C1orf198: variants seen among roughly 807,000 people sequenced by gnomAD.
The protein encoded by C1orf198 is uncharacterized protein C1orf198.
A neutral mutation model predicts 31.4 loss-of-function variants in C1orf198; 17 were observed. That is an observed-to-expected ratio of 0.54 (90% CI 0.37 to 0.81). C1orf198 has a LOEUF of 0.81. C1orf198 is among the 40% of genes least tolerant of loss of function. The probability of loss-of-function intolerance (pLI) is 0.00; values close to 1 mark genes in which losing one functional copy is unlikely to be tolerated. For synonymous variants in C1orf198, 175 were observed against 193.8 expected (o/e 0.90, Z 0.81); for missense variants, 401 against 450.3 (o/e 0.89, Z 0.99).
At chr1:230,856,022 T>C (rs1206817590) in intron 1 of C1orf198, 1 of 1,144,852 alleles carries the variant, frequency 8.7e-7, no homozygotes, top group Admixed American at 4.4e-5. Context: ...GAGGGCTTGA[T>C]GGTCTCAGCA....
In C1orf198 at chr1:230,837,621, G is replaced by A. The variant is rs1328526484; in HGVS notation, c.*2231C>T. 2 of 152,228 alleles carry A rather than the reference G, an allele frequency of 1.3e-5. No individual in the cohort carries two copies. Among genetic ancestry groups the A allele is most frequent in the Non-Finnish European group, 2.9e-5 (2 of 68,046 alleles). 9.4% of individuals were successfully genotyped at this position (152,228 alleles called of 1,614,324 possible). On this transcript the variant is annotated 3_prime_UTR_variant, in exon 4 of 4. Transcript: ENST00000366663. ...TCGCATAGACTTTGCCCAAGGTGTAGAGGAAGATCTGCCGGTCAGGCAGGA... is the reference window on the plus strand; with the variant it reads ...TCGCATAGACTTTGCCCAAGGTGTAAAGGAAGATCTGCCGGTCAGGCAGGA...
intron 3 of C1orf198, among the ~76,000 whole-genome samples, chr1:230,842,761 A>G (rs1314439628): frequency 1.3e-5 from 2 of 152,096 alleles, no homozygotes; most frequent in Non-Finnish European, 2.9e-5. Context: ...ATTAAAAAAA[A>G]AAAGAGTGAC....
intron 2 of C1orf198, among the ~76,000 whole-genome samples, chr1:230,845,132 T>G (rs1350479936): frequency 6.7e-6 from 1 of 149,200 alleles, no homozygotes; most frequent in Non-Finnish European, 1.5e-5. Flanking sequence ...TTTGGGAGGC[T>G]AAGGATAGAA....
chr1:230,855,933 T>C, intron 1 of C1orf198: 3 of 1,325,106 alleles, frequency 2.3e-6, no homozygotes, highest in Non-Finnish European at 2.9e-6. Context: ...GACACTCCCC[T>C]CCCCAGCCAA....
chr1:230,854,247 CAGAG>C (rs1405231919), intron 2 of C1orf198, among the ~76,000 whole-genome samples: 1 of 152,148 alleles, frequency 6.6e-6, no homozygotes, highest in Non-Finnish European at 1.5e-5. Flanking sequence ...TTCCAACACA[CAGAG>C]AATCTATCTG....
chr1:230,848,883 G>A (rs1449901663), intron 2 of C1orf198, among the ~76,000 whole-genome samples: 1 of 152,110 alleles, frequency 6.6e-6, no homozygotes, highest in African/African-American at 2.4e-5. Context: ...ACTCTAGCAG[G>A]GCCAGGTGGG....
chr1:230,868,036 T>TGCCCCCC, intron 1 of C1orf198, 144 bp downstream of exon 1: 1 of 861,458 alleles, frequency 1.2e-6, no homozygotes, highest in Non-Finnish European at 1.6e-6. Context: ...GCTCTGGGGC[T>TGCCCCCC]CCCCTCCCAC....
At position 230,840,024 on chromosome 1, in the gene C1orf198, A is replaced by C; in HGVS notation, c.928-116T>G. 1 of 856,612 alleles carries C rather than the reference A, an allele frequency of 1.2e-6. No homozygotes were observed. Among genetic ancestry groups the C allele is most frequent in the Admixed American group, 2.9e-5 (1 of 34,530 alleles). 53.1% of individuals were successfully genotyped at this position (856,612 alleles called of 1,614,324 possible). A position where few individuals can be genotyped will look rare whatever the true frequency, so the allele number is the denominator to read the frequency against. On this transcript the variant is annotated intron_variant, in intron 3 of 3. Transcript: ENST00000366663. This position sits in a 1 kb window ranked among gnomAD's most constrained non-coding sequence, Gnocchi z 4.0. ...AGATAAAAGAGCCTACTTCTGTCTC[A>C]GAGGTTCCCTGACCTCAATTTATCT...
chr1:230,843,354 C>G lies in C1orf198; in HGVS notation c.927G>C (p.Gln309His), dbSNP rs146800823. The G allele has an allele frequency of 6.4e-7, 1 of 1,553,122 alleles. No individual in the cohort carries two copies. The highest frequency in any genetic ancestry group is 8.7e-7 in the Non-Finnish European group (1 of 1,147,788). Residue 309 changes from glutamine to histidine, a missense_variant and splice_region_variant, in exon 3 of 4, where the codon CAG (glutamine) becomes CAC (histidine). Coordinates refer to ENST00000366663, the MANE Select transcript of C1orf198 (RefSeq NM_032800.3). The surrounding 1 kb of genome is among the most constrained non-coding windows in gnomAD (Gnocchi z 4.9). ...DTLFSEPKFA[Q>H]VSSSNVVLKT... is the part of the protein sequence containing the mutation. ...GGACGCGCTGGTAAAGGCCACTCAC[C>G]TGTGCAAACTTGGGTTCCGAGAACA...
In C1orf198 at chr1:230,839,802, C is replaced by A. The variant is rs187402722; in HGVS notation, c.*50G>T. On this transcript the variant is annotated 3_prime_UTR_variant, in exon 4 of 4. Coordinates refer to ENST00000366663, the MANE Select transcript of C1orf198 (RefSeq NM_032800.3). Reference sequence around the variant, plus strand: ...GCCCTTTTTATCCTCCTCCACCACACCACTTTGGAAAACATTTTAGGGTTC... The same window carrying A: ...GCCCTTTTTATCCTCCTCCACCACAACACTTTGGAAAACATTTTAGGGTTC... 14 of 1,551,202 alleles carry A rather than the reference C, an allele frequency of 9.0e-6. No homozygotes were observed. Among genetic ancestry groups the A allele is most frequent in the Non-Finnish European group, 1.2e-5 (14 of 1,130,976 alleles).
chr1:230,851,913 A>G (rs183607625), intron 2 of C1orf198, among the ~76,000 whole-genome samples: 222 of 152,346 alleles, frequency 1.5e-3, no homozygotes, highest in African/African-American at 5.1e-3. Context: ...GCTGGCCAAG[A>G]GAAAGGAACC....
chr1:230,855,810 A>T, intron 1 of C1orf198, 92 bp from the exon 2 acceptor site: 1 of 1,541,214 alleles, frequency 6.5e-7, no homozygotes, highest in South Asian at 1.3e-5. Flanking sequence ...ACCAAAACTT[A>T]GGAATAATCC....
At chr1:230,852,150 T>TA (rs1669763020) in intron 2 of C1orf198, among the ~76,000 whole-genome samples, 1 of 152,112 alleles carries the variant, frequency 6.6e-6, no homozygotes, top group African/African-American at 2.4e-5. Context: ...AAATTTGGGT[T>TA]AAACGTATGG....
Position 230,843,069 on chromosome 1 carries a change from G to A in C1orf198, c.927+285C>T, listed in dbSNP as rs1326519091. 6.6e-6 allele frequency among the ~76,000 whole-genome samples: 1 copy of A among 152,262 alleles called. No homozygotes were observed. Among genetic ancestry groups the A allele is most frequent in the Non-Finnish European group, 1.5e-5 (1 of 68,054 alleles). On this transcript the variant is annotated intron_variant, in intron 3 of 3. Transcript: ENST00000366663. This position sits in a 1 kb window ranked among gnomAD's most constrained non-coding sequence, Gnocchi z 4.9. Reference sequence around the variant, plus strand: ...GCCCTGGGCGCAGCGCCTTCCAGGGGCCTCTTCTGATAGCAGCCCGCGCAC... The same window carrying A: ...GCCCTGGGCGCAGCGCCTTCCAGGGACCTCTTCTGATAGCAGCCCGCGCAC...
chr1:230,846,212 T>C (rs1165021926), intron 2 of C1orf198, among the ~76,000 whole-genome samples: 2 of 152,248 alleles, frequency 1.3e-5, no homozygotes, highest in African/African-American at 4.8e-5. Flanking sequence ...ATGCATACTA[T>C]CAAATCTGCT....
In C1orf198 at chr1:230,843,714, T is replaced by C. The variant is rs1412722660; in HGVS notation, c.567A>G (p.Ser189=). Residue 189 remains serine, a synonymous_variant, in exon 3 of 4, where the codon TCA becomes TCG. Coordinates refer to ENST00000366663, the MANE Select transcript of C1orf198 (RefSeq NM_032800.3). This position sits in a 1 kb window ranked among gnomAD's most constrained non-coding sequence, Gnocchi z 4.9. ...LGPTRKEEEA[S]FWKINAERSR... ...ACCGCTCAGCATTGATCTTCCAGAA[T>C]GACGCTTCCTCCTCCTTCCTGGTGG... 1 of 1,614,090 alleles carries C rather than the reference T, an allele frequency of 6.2e-7. No individual in the cohort carries two copies. Among genetic ancestry groups the C allele is most frequent in the Non-Finnish European group, 8.5e-7 (1 of 1,180,046 alleles).
chr1:230,861,718 G>C (rs2102991458), intron 1 of C1orf198, among the ~76,000 whole-genome samples: 1 of 152,326 alleles, frequency 6.6e-6, no homozygotes, highest in South Asian at 2.1e-4. Flanking sequence ...CTGGTGTGTG[G>C]ATGGATAGCG....
At chr1:230,846,193 T>C (rs1669585132) in intron 2 of C1orf198, among the ~76,000 whole-genome samples, 1 of 152,262 alleles carries the variant, frequency 6.6e-6, no homozygotes, top group African/African-American at 2.4e-5. Flanking sequence ...TTCCTTTTTA[T>C]GGTTTTGGAT....
chr1:230,845,038 T>C (rs996922351), intron 2 of C1orf198, among the ~76,000 whole-genome samples: 1 of 152,074 alleles, frequency 6.6e-6, no homozygotes, highest in East Asian at 1.9e-4. Context: ...TCCCTCACCA[T>C]TTCTACTCCC....
Sources: allele counts gnomAD v4.1 joint callset (sites outside exome capture counted in the v4.1 genomes callset), GRCh38; gene constraint gnomAD v4.1.1; non-coding constraint Gnocchi (gnomAD v3.1); transcripts MANE v1.5; gene names NCBI Gene and HGNC (gene_info 2026-07-23, HGNC 2026-07-21).